Variants in NCKAP5 observed in about 807,000 individuals in gnomAD.
NCKAP5 encodes the protein nck-associated protein 5.
NCKAP5 carries 92 observed loss-of-function variants against 167.0 expected under a neutral mutation model. The observed-to-expected ratio is 0.55, with a 90% CI of 0.47 to 0.66. NCKAP5 has a LOEUF of 0.66. Ranked by LOEUF, NCKAP5 falls within the 30% of genes least tolerant of loss-of-function variation. The probability of loss-of-function intolerance (pLI) is 0.00; values close to 1 mark genes in which losing one functional copy is unlikely to be tolerated. For synonymous variants in NCKAP5, 891 were observed against 877.4 expected (o/e 1.02, Z -0.27); for missense variants, 2,378 against 2,315.0 (o/e 1.03, Z -0.56).
intron 8 of NCKAP5, among the ~76,000 whole-genome samples, chr2:132,939,253 G>A (rs952521208): frequency 6.6e-6 from 1 of 152,202 alleles, no homozygotes; most frequent in African/African-American, 2.4e-5. Flanking sequence ...TGAGAGGGCA[G>A]TACACTATAA....
At chr2:132,989,350 ATGG>A (rs749764820) in intron 7 of NCKAP5, among the ~76,000 whole-genome samples, 45 of 152,324 alleles carry the variant, frequency 3.0e-4, no homozygotes, top group Non-Finnish European at 5.4e-4. Flanking sequence ...ATTAAATGAA[ATGG>A]TGGTGTGAGT....
chr2:132,742,736 TA>T (rs1558997463), intron 16 of NCKAP5, among the ~76,000 whole-genome samples: 1 of 151,934 alleles, frequency 6.6e-6, no homozygotes, highest in East Asian at 1.9e-4. Context: ...CTTAAGCTTT[TA>T]AAAAATATTC....
At chr2:133,035,404 A>G (rs1056988091) in intron 6 of NCKAP5, among the ~76,000 whole-genome samples, 5 of 152,050 alleles carry the variant, frequency 3.3e-5, no homozygotes, top group Admixed American at 1.3e-4. Context: ...ACTATCAACC[A>G]GATAGATCTA....
chr2:133,667,608 T>C, the NCKAP5 span, among the ~76,000 whole-genome samples: 1 of 151,812 alleles, frequency 6.6e-6, no homozygotes, highest in Non-Finnish European at 1.5e-5. Context: ...AGCAGAAGAG[T>C]AGAACTTACT....
intron 5 of NCKAP5, among the ~76,000 whole-genome samples, chr2:133,147,662 G>A (rs2083247559): frequency 6.6e-6 from 1 of 152,094 alleles, no homozygotes; most frequent in Non-Finnish European, 1.5e-5. Context: ...TAAGCATATG[G>A]ATGAGCAACA....
chr2:133,547,702 G>C (rs1174753491), intron 2 of NCKAP5, among the ~76,000 whole-genome samples: 1 of 150,312 alleles, frequency 6.7e-6, no homozygotes, highest in East Asian at 2.0e-4. Flanking sequence ...AAACAGAAAG[G>C]ACATCCACAT....
chr2:133,507,104 T>C (rs548176996), intron 3 of NCKAP5, among the ~76,000 whole-genome samples: 2 of 152,292 alleles, frequency 1.3e-5, no homozygotes, highest in Non-Finnish European at 2.9e-5. Context: ...AGGACACCAC[T>C]GGCCTCATCC....
intron 3 of NCKAP5, among the ~76,000 whole-genome samples, chr2:133,481,527 C>G: frequency 6.6e-6 from 1 of 152,104 alleles, no homozygotes. Context: ...TATTTTGTCA[C>G]CCAGGTATTA....
intron 3 of NCKAP5, among the ~76,000 whole-genome samples, chr2:133,339,671 A>G (rs572625495): frequency 6.6e-6 from 1 of 152,368 alleles, no homozygotes; most frequent in Admixed American, 6.5e-5. Flanking sequence ...TAGAGCCAGA[A>G]TGGAAAAGAT....
In NCKAP5 at chr2:133,447,400, G is replaced by A. The variant is rs1028336639; in HGVS notation, c.69+70058C>T. Among the ~76,000 whole-genome samples the A allele has an allele frequency of 4.6e-5, 7 of 151,752 alleles. No homozygotes were observed. In the East Asian group the frequency reaches 5.8e-4, roughly 13 times the overall value. ...CTTTATTTTTAAGGCCTCTTTCTCC[G>A]TCTTTTTCCTTCCTTCCTTCCCTTT... On this transcript the variant is annotated intron_variant, in intron 3 of 19. Transcript: ENST00000409261.
At chr2:132,795,888 T>A (rs62177023) in intron 12 of NCKAP5, among the ~76,000 whole-genome samples, 2,466 of 131,104 alleles carry the variant, frequency 0.019, 26 homozygotes, top group Non-Finnish European at 0.026. Context: ...TTCCCATTTT[T>A]AAATAAAAAC....
intron 8 of NCKAP5, among the ~76,000 whole-genome samples, chr2:132,883,930 A>C (rs1691998528): frequency 6.6e-6 from 1 of 152,192 alleles, no homozygotes; most frequent in Non-Finnish European, 1.5e-5. Flanking sequence ...ACTTAGGAGA[A>C]ATGATTGAAC....
chr2:133,569,515 G>A (rs1214173463), upstream of NCKAP5, among the ~76,000 whole-genome samples: 8 of 152,188 alleles, frequency 5.3e-5, no homozygotes, highest in Admixed American at 4.6e-4. Flanking sequence ...GGGCTGCCTT[G>A]TAAGTGTTAT....
intron 8 of NCKAP5, among the ~76,000 whole-genome samples, chr2:132,879,452 C>T (rs1214853592): frequency 6.6e-6 from 1 of 152,234 alleles, no homozygotes; most frequent in Non-Finnish European, 1.5e-5. Flanking sequence ...CCCTTCCCCA[C>T]ACTCTTGTAA....
chr2:133,518,030 C>T (rs1171803564), intron 2 of NCKAP5, among the ~76,000 whole-genome samples: 1 of 152,114 alleles, frequency 6.6e-6, no homozygotes, highest in African/African-American at 2.4e-5. Flanking sequence ...GAAACTGAAA[C>T]ATGAACATTG....
At chr2:133,656,095 C>T in the NCKAP5 span, among the ~76,000 whole-genome samples, 2 of 152,104 alleles carry the variant, frequency 1.3e-5, no homozygotes, top group African/African-American at 4.8e-5. Context: ...ACAACATACA[C>T]CTTAAAAGAA....
chr2:133,568,958 G>C, upstream of NCKAP5, among the ~76,000 whole-genome samples: 1 of 152,144 alleles, frequency 6.6e-6, no homozygotes, highest in Non-Finnish European at 1.5e-5. Context: ...TCTCAGCTTG[G>C]AGTAGAAGGA....
chr2:132,918,770 A>G (rs1234210456), intron 8 of NCKAP5, among the ~76,000 whole-genome samples: 1 of 152,226 alleles, frequency 6.6e-6, no homozygotes, highest in African/African-American at 2.4e-5. Flanking sequence ...AGTTTAGAAA[A>G]AGCCATGAAA....
chr2:133,175,311 T>G (rs2084412849), intron 5 of NCKAP5, among the ~76,000 whole-genome samples: 1 of 152,210 alleles, frequency 6.6e-6, no homozygotes, highest in Non-Finnish European at 1.5e-5. Flanking sequence ...CTAGTTTGTC[T>G]GTTGTCTTTT....
Sources: allele counts gnomAD v4.1 joint callset (sites outside exome capture counted in the v4.1 genomes callset), GRCh38; gene constraint gnomAD v4.1.1; transcripts MANE v1.5; gene names NCBI Gene and HGNC (gene_info 2026-07-23, HGNC 2026-07-21).